NADK: variants seen among roughly 807,000 people sequenced by gnomAD.
NADK encodes the protein NAD kinase.
In NADK, 22 loss-of-function variants were observed where a neutral mutation model predicts 49.8. The ratio of observed to expected loss-of-function variants is 0.44; its 90% confidence interval spans 0.32 to 0.63. The LOEUF is 0.63. NADK is among the 30% of genes least tolerant of loss of function. The probability of loss-of-function intolerance (pLI) is 0.06; values close to 1 mark genes in which losing one functional copy is unlikely to be tolerated. For synonymous variants in NADK, 268 were observed against 253.7 expected (o/e 1.06, Z -0.54); for missense variants, 438 against 609.4 (o/e 0.72, Z 2.96).
Position 1,757,166 on chromosome 1 carries a change from C to T in NADK, c.393+15G>A. On this transcript the variant is annotated intron_variant, in intron 4 of 11. Transcript: ENST00000341426. ...CATGTGCACCCCAGGCCCCCTTCCCCCCTGCCCCGCGTGCCTCCATGAGGT... is the reference window on the plus strand; with the variant it reads ...CATGTGCACCCCAGGCCCCCTTCCCTCCTGCCCCGCGTGCCTCCATGAGGT... 1 of 1,608,142 alleles carries T rather than the reference C, an allele frequency of 6.2e-7. No individual in the cohort carries two copies.
At chr1:1,779,238 TGGAGGACTCGG>T (rs1453753830), upstream of NADK, 1 of 152,492 alleles carries the variant, frequency 6.6e-6, no homozygotes, top group Non-Finnish European at 1.5e-5. Flanking sequence ...CCCCACAGGC[TGGAGGACTCGG>T]GGAGTTGGGG....
At chr1:1,755,858 T>C (rs1331639789) in intron 6 of NADK, 2 of 432,680 alleles carry the variant, frequency 4.6e-6, no homozygotes, top group African/African-American at 4.0e-5. Flanking sequence ...GTCACCAACA[T>C]GCAGTGGGCC....
chr1:1,769,862 A>G (rs1342430098), intron 1 of NADK, among the ~76,000 whole-genome samples: 4 of 152,174 alleles, frequency 2.6e-5, no homozygotes, highest in African/African-American at 2.4e-5. Flanking sequence ...GGATCATTTG[A>G]GGTCAGGAGT....
Position 1,771,075 on chromosome 1 carries a change from T to TATAC in NADK, c.-40-5630_-40-5629insGTAT, listed in dbSNP as rs1472215712. Among the ~76,000 whole-genome samples the TATAC allele has an allele frequency of 1.9e-3, 270 of 142,606 alleles. 1 individual carries two copies. The highest frequency in any genetic ancestry group is 6.6e-3 in the African/African-American group (255 of 38,368). 93.6% of individuals were successfully genotyped at this position (142,606 alleles called of 152,430 possible). ...AAAAAAATATATATATATATATATA[T>TATAC]ACACACACACACACATATATTATTA... On this transcript the variant is annotated intron_variant, in intron 1 of 11. Coordinates refer to ENST00000341426, the MANE Select transcript of NADK (RefSeq NM_023018.5).
chr1:1,776,362 T>C (rs1646209779), intron 1 of NADK, among the ~76,000 whole-genome samples: 1 of 152,214 alleles, frequency 6.6e-6, no homozygotes, highest in Non-Finnish European at 1.5e-5. Context: ...CCTGGAAATC[T>C]AACTGCTGAC....
At chr1:1,753,904 T>G in intron 10 of NADK, 147 bp downstream of exon 10, 2 of 1,093,514 alleles carry the variant, frequency 1.8e-6, no homozygotes, top group South Asian at 1.6e-5. Context: ...AAGGCTTGCA[T>G]CTGAGGGGGC....
chr1:1,755,250 C>T (rs922000201), intron 7 of NADK, 124 bp downstream of exon 7: 1 of 745,434 alleles, frequency 1.3e-6, no homozygotes, highest in Non-Finnish European at 2.3e-6. Flanking sequence ...TTAGAAATCC[C>T]TGAATCTTGA....
At position 1,765,240 on chromosome 1, in the gene NADK, G is replaced by C. The variant is rs369515511; in HGVS notation, c.167C>G (p.Thr56Ser). The change falls in exon 2 of 12, where the codon ACC (threonine) becomes AGC (serine). Residue 56 changes from threonine to serine, a missense_variant. By Grantham distance (58) the Thr-to-Ser change is moderately conservative (BLOSUM62 1). Coordinates refer to ENST00000341426, the MANE Select transcript of NADK (RefSeq NM_023018.5). ...CTCCCAGTTGTACCTGAACTCCTTGGTGCTCCCCAGGGCGGGCGAGGCAGA... is the reference window on the plus strand; with the variant it reads ...CTCCCAGTTGTACCTGAACTCCTTGCTGCTCCCCAGGGCGGGCGAGGCAGA... The part of the protein sequence containing the change: ...SLSASPALGS[T>S]KEFRRTRSLH... The C allele has an allele frequency of 6.2e-6, 10 of 1,603,394 alleles. No individual in the cohort carries two copies. The African/African-American group carries it at 1.3e-4, about 22-fold the overall frequency.
rs934379945 is a variant in NADK at position 1,752,262 on chromosome 1, G to A, written c.*642C>T. The A allele has an allele frequency of 6.6e-6, 1 of 152,668 alleles. No homozygotes were observed. The highest frequency in any genetic ancestry group is 6.5e-5 in the Admixed American group (1 of 15,286). The allele number at this position is 152,668 out of a possible 1,614,324, so 9.5% of individuals were successfully genotyped here. Reference sequence around the variant, plus strand: ...CTTCCTGGGAGCAGAAGCTACGTGAGGAATGTGTGGGTCGCTGGCGATGCC... The same window carrying A: ...CTTCCTGGGAGCAGAAGCTACGTGAAGAATGTGTGGGTCGCTGGCGATGCC... On this transcript the variant is annotated 3_prime_UTR_variant, in exon 12 of 12. Transcript: ENST00000341426.
chr1:1,762,759 AAATGAATGAATGAATG>A (rs145189624), intron 2 of NADK, among the ~76,000 whole-genome samples: 4 of 148,994 alleles, frequency 2.7e-5, no homozygotes, highest in Admixed American at 2.0e-4. Context: ...CTCTGTCTCA[AAATGAATGAATGAATG>A]AATGAATGAA....
intron 11 of NADK, 56 bp from the exon 12 acceptor site, chr1:1,753,116 C>T: frequency 6.4e-7 from 1 of 1,554,516 alleles, no homozygotes; most frequent in Non-Finnish European, 8.7e-7. Flanking sequence ...CCACCCCCGG[C>T]CAAGAACCCT....
intron 1 of NADK, among the ~76,000 whole-genome samples, chr1:1,767,650 T>C (rs191892054): frequency 7.6e-4 from 116 of 152,370 alleles, no homozygotes; most frequent in African/African-American, 2.7e-3. Context: ...TGTGACATTA[T>C]GGACTGAATG....
At chr1:1,769,192 C>T (rs114987731) in intron 1 of NADK, among the ~76,000 whole-genome samples, 8,004 of 152,212 alleles carry the variant, frequency 0.053, 300 homozygotes, top group Non-Finnish European at 0.083. Context: ...CCAAGGTGGG[C>T]GGATCACTTC....
In NADK at chr1:1,757,226, G is replaced by A; in HGVS notation, c.348C>T (p.Ala116=). The A allele has an allele frequency of 6.2e-7, 1 of 1,612,886 alleles. No individual in the cohort carries two copies. Among genetic ancestry groups the A allele is most frequent in the Non-Finnish European group, 8.5e-7 (1 of 1,179,758 alleles). Residue 116 remains alanine (A), a synonymous_variant, in exon 4 of 12, where the codon GCC becomes GCT. Coordinates refer to ENST00000341426, the MANE Select transcript of NADK (RefSeq NM_023018.5). ...GCTCCTTGAACGGCTGCAGTAGGCT[G>A]GCATCTCTCATCTTCTTGATGACAA... ...SVLVIKKMRD[A]SLLQPFKELC...
At chr1:1,777,609 G>A (rs1424266996) in intron 1 of NADK, among the ~76,000 whole-genome samples, 1 of 150,022 alleles carries the variant, frequency 6.7e-6, no homozygotes, top group Non-Finnish European at 1.5e-5. Flanking sequence ...ATTGCTTGGG[G>A]AGGAGGGATG....
upstream of NADK, chr1:1,779,267 C>G (rs1024255788): frequency 6.6e-6 from 1 of 152,560 alleles, no homozygotes; most frequent in Non-Finnish European, 1.5e-5. Context: ...GGGGAGGAGG[C>G]CAAAGCCACA....
In NADK at chr1:1,755,489, GGA is replaced by G; in HGVS notation, c.586-15_586-14del. The G allele has an allele frequency of 1.2e-6, 2 of 1,607,894 alleles. No individual in the cohort carries two copies. Among genetic ancestry groups the G allele is most frequent in the South Asian group, 2.2e-5 (2 of 90,946 alleles). On this transcript the variant is annotated splice_polypyrimidine_tract_variant and intron_variant, in intron 6 of 11. Coordinates refer to ENST00000341426, the MANE Select transcript of NADK (RefSeq NM_023018.5). ...GAGGGACGCTGCCCTGTGAGCCGAC[GGA>G]GAGGTCACTCAGTGCCCACGCCGTG...
intron 5 of NADK, 48 bp downstream of exon 5, chr1:1,756,455 C>T (rs751361472): frequency 1.9e-5 from 31 of 1,612,310 alleles, no homozygotes; most frequent in Admixed American, 6.7e-5. Flanking sequence ...TCCAATGGGG[C>T]GGGGAACTGT....
upstream of NADK, chr1:1,778,562 C>A (rs1646285618): frequency 6.6e-6 from 1 of 151,250 alleles, no homozygotes; most frequent in Non-Finnish European, 1.5e-5. This position sits in a 1 kb window ranked among gnomAD's most constrained non-coding sequence, Gnocchi z 4.9. Flanking sequence ...ACACCCCGCG[C>A]GGGCGGGAGG....
Sources: gnomAD v4.1 joint callset for allele counts (sites outside exome capture counted in the v4.1 genomes callset) on GRCh38, gnomAD v4.1.1 for gene constraint, Gnocchi (gnomAD v3.1) non-coding constraint, MANE v1.5 for transcripts, NCBI Gene and HGNC (gene_info 2026-07-23, HGNC 2026-07-21) for gene names.